OXNAD1: variants seen among roughly 807,000 people sequenced by gnomAD.
OXNAD1 encodes the protein oxidoreductase NAD binding domain containing 1.
Under a neutral mutation model 32.9 loss-of-function variants are expected in OXNAD1, and 34 were observed. The ratio of observed to expected loss-of-function variants is 1.03; its 90% CI spans 0.79 to 1.38. The LOEUF (loss-of-function observed/expected upper bound fraction) is 1.38. Ranked by LOEUF, OXNAD1 falls within the 40% of genes most tolerant of loss-of-function variation. The pLI, the probability that OXNAD1 is intolerant of heterozygous loss-of-function variation, is 0.00. For synonymous variants in OXNAD1, 134 were observed against 135.2 expected (o/e 0.99, Z 0.06); for missense variants, 407 against 379.4 (o/e 1.07, Z -0.60).
downstream of OXNAD1, among the ~76,000 whole-genome samples, chr3:16,310,045 A>G (rs2067859415): frequency 6.6e-6 from 1 of 152,214 alleles, no homozygotes; most frequent in Admixed American, 6.5e-5. Context: ...GATACAGGGG[A>G]CTTTTGGACT....
chr3:16,331,895 G>A (rs779671957), intron 9 of OXNAD1, among the ~76,000 whole-genome samples: 10 of 152,206 alleles, frequency 6.6e-5, no homozygotes, highest in South Asian at 2.1e-4. Flanking sequence ...AGGTACAGAC[G>A]TCTGGGCTGA....
chr3:16,332,558 C>T (rs116277326), intron 9 of OXNAD1, among the ~76,000 whole-genome samples: 123 of 152,204 alleles, frequency 8.1e-4, no homozygotes, highest in African/African-American at 2.8e-3. Context: ...GATCTTACCA[C>T]GCCACGTTAG....
Position 16,317,300 on chromosome 3 carries a change from G to A in OXNAD1, c.*30+13708G>A. The A allele has an allele frequency of 3.9e-6, 6 of 1,525,520 alleles. No homozygotes were observed. Among genetic ancestry groups the A allele is most frequent in the South Asian group, 2.3e-5 (2 of 86,728 alleles). 94.5% of individuals were successfully genotyped at this position (1,525,520 alleles called of 1,614,324 possible). ...AACCCAGAGCTTCACCCAAAGCCTTGTTTGCATTCATACCCACACCATGTC... is the reference window on the plus strand; with the variant it reads ...AACCCAGAGCTTCACCCAAAGCCTTATTTGCATTCATACCCACACCATGTC... On this transcript the variant is annotated intron_variant, in intron 9 of 9. Coordinates refer to the OXNAD1 transcript ENST00000435829. The surrounding 1 kb of genome is among the most constrained non-coding windows in gnomAD (Gnocchi z 4.3).
rs1422647674 is a variant in OXNAD1, at chr3:16,289,443, A to C, written c.290+2995A>C. 6.6e-6 allele frequency among the ~76,000 whole-genome samples: 1 copy of C among 152,190 alleles called. No individual in the cohort carries two copies. The highest frequency in any genetic ancestry group is 1.9e-4 in the East Asian group (1 of 5,194). On this transcript the variant is annotated intron_variant, in intron 5 of 8. Coordinates refer to ENST00000285083, the MANE Select transcript of OXNAD1 (RefSeq NM_138381.5). This position sits in a 1 kb window ranked among gnomAD's most constrained non-coding sequence, Gnocchi z 4.9. ...GGAATTCCTGGTCCTAGTGTGTCTG[A>C]CTTTCTACAAGATAACATAAGTTTA...
chr3:16,311,776 G>A (rs982894129), intron 9 of OXNAD1, among the ~76,000 whole-genome samples: 1 of 152,044 alleles, frequency 6.6e-6, no homozygotes, highest in African/African-American at 2.4e-5. Flanking sequence ...TCATTCAGCA[G>A]CCAGAAAGAC....
chr3:16,270,785 T>A, intron 2 of OXNAD1, 160 bp from the exon 3 acceptor site: 4 of 939,166 alleles, frequency 4.3e-6, no homozygotes, highest in Non-Finnish European at 6.2e-6. Flanking sequence ...GGCAGAAATT[T>A]TGTCAAGGTG....
At chr3:16,339,357 G>A (rs1451595092), downstream of OXNAD1, 1 of 152,180 alleles carries the variant, frequency 6.6e-6, no homozygotes, top group Non-Finnish European at 1.5e-5. Flanking sequence ...CATGCTCTTT[G>A]AGGACCCAGC....
At position 16,321,146 on chromosome 3, in the gene OXNAD1, G is replaced by T. The variant is rs1290001572; in HGVS notation, c.*31-15966G>T. Among the ~76,000 whole-genome samples, 1 of 152,100 alleles carries T rather than the reference G, an allele frequency of 6.6e-6. No homozygotes were observed. The highest frequency in any genetic ancestry group is 1.9e-4 in the East Asian group (1 of 5,194). ...TGCCATTCCTCTAGATAGGGTGGCG[G>T]TTGGCCAGGTGGGCGAGGTATGGGG... On this transcript the variant is annotated intron_variant, in intron 9 of 9. Transcript: ENST00000435829. This position sits in a 1 kb window ranked among gnomAD's most constrained non-coding sequence, Gnocchi z 4.8.
At chr3:16,311,995 T>C (rs1266950915) in intron 9 of OXNAD1, among the ~76,000 whole-genome samples, 1 of 152,194 alleles carries the variant, frequency 6.6e-6, no homozygotes, top group African/African-American at 2.4e-5. Context: ...GTCTCTCCCG[T>C]AGCCTGGCTT....
chr3:16,328,280 C>T (rs1056927252), intron 9 of OXNAD1, among the ~76,000 whole-genome samples: 1 of 152,240 alleles, frequency 6.6e-6, no homozygotes, highest in Non-Finnish European at 1.5e-5. Context: ...GTGCCAAGGT[C>T]TGTGGTCGGC....
At chr3:16,347,214 CCA>C (rs1346540402) in intron 9 of OXNAD1, among the ~76,000 whole-genome samples, 1 of 152,208 alleles carries the variant, frequency 6.6e-6, no homozygotes, top group Non-Finnish European at 1.5e-5. Flanking sequence ...ACGGTCTTCC[CCA>C]GACTTTTCAC....
intron 5 of OXNAD1, among the ~76,000 whole-genome samples, chr3:16,294,033 T>C (rs2066598555): frequency 6.6e-6 from 1 of 152,200 alleles, no homozygotes; most frequent in Non-Finnish European, 1.5e-5. Flanking sequence ...TACTGGTCTA[T>C]AGTTTTCTTT....
Position 16,303,448 on chromosome 3 carries a change from A to C in OXNAD1, c.825A>C (p.Ser275=), listed in dbSNP as rs1461378448. The C allele has an allele frequency of 3.1e-6, 5 of 1,613,916 alleles. No individual in the cohort carries two copies. Among genetic ancestry groups the C allele is most frequent in the Non-Finnish European group, 4.2e-6 (5 of 1,179,928 alleles). ...ITEKEIRDHI[S]KETLFYICGP... ...AGAAGGAGATAAGAGATCATATTTCAAAAGAGACTTTGTTCTATATTTGTG... is the reference window on the plus strand; with the variant it reads ...AGAAGGAGATAAGAGATCATATTTCCAAAGAGACTTTGTTCTATATTTGTG... The change falls in exon 9 of 9, where the codon TCA becomes TCC. Residue 275 remains serine (S), a synonymous_variant. Coordinates refer to ENST00000285083, the MANE Select transcript of OXNAD1 (RefSeq NM_138381.5). This position sits in a 1 kb window ranked among gnomAD's most constrained non-coding sequence, Gnocchi z 4.8.
Position 16,302,693 on chromosome 3 carries a change from G to A in OXNAD1, c.729G>A (p.Leu243=), listed in dbSNP as rs780751202. Residue 243 remains leucine (L), a synonymous_variant, in exon 8 of 9, where the codon TTG becomes TTA. Coordinates refer to ENST00000285083, the MANE Select transcript of OXNAD1 (RefSeq NM_138381.5). This position sits in a 1 kb window ranked among gnomAD's most constrained non-coding sequence, Gnocchi z 4.2. ...TTCCTGAGAAGATTGCATGCAGTTT[G>A]CATGTTACAAAACAGACTACACAAA... ...NEFPEKIACS[L]HVTKQTTQIN... 2.5e-6 allele frequency: 4 copies of A among 1,613,562 alleles called. No individual in the cohort carries two copies. In the South Asian group the frequency reaches 3.3e-5, roughly 13 times the overall value.
chr3:16,340,138 C>G (rs1028236406), downstream of OXNAD1, among the ~76,000 whole-genome samples: 1 of 152,228 alleles, frequency 6.6e-6, no homozygotes, highest in Non-Finnish European at 1.5e-5. Context: ...TTCCCTGTTT[C>G]TGTTCCATTG....
At chr3:16,281,807 G>A (rs956559604) in intron 4 of OXNAD1, among the ~76,000 whole-genome samples, 4 of 151,160 alleles carry the variant, frequency 2.6e-5, no homozygotes, top group African/African-American at 9.7e-5. Flanking sequence ...CAGTTAAGCT[G>A]TCAGAAATGA....
Position 16,265,950 on chromosome 3 carries a change from G to C in OXNAD1, c.-159+445G>C, listed in dbSNP as rs1651095701. 1 of 959,432 alleles carries C rather than the reference G, an allele frequency of 1.0e-6. No individual in the cohort carries two copies. The highest frequency in any genetic ancestry group is 1.2e-6 in the Non-Finnish European group (1 of 806,468). 59.4% of individuals were successfully genotyped at this position (959,432 alleles called of 1,614,324 possible). A position where few individuals can be genotyped will look rare whatever the true frequency, so the allele number is the denominator to read the frequency against. On this transcript the variant is annotated intron_variant, in intron 1 of 8. Coordinates refer to ENST00000285083, the MANE Select transcript of OXNAD1 (RefSeq NM_138381.5). The surrounding 1 kb of genome is among the most constrained non-coding windows in gnomAD (Gnocchi z 4.8). ...TATGTATGCCTTGAAGCGAAATGCA[G>C]ATAAAAGGCATTTTTGTCTTGAAAG...
At chr3:16,307,267 T>G (rs2067625378), downstream of OXNAD1, among the ~76,000 whole-genome samples, 1 of 152,246 alleles carries the variant, frequency 6.6e-6, no homozygotes, top group African/African-American at 2.4e-5. Context: ...GATGTTCAGC[T>G]TGTTTTAGGT....
rs2071585474 is a variant in OXNAD1 at position 16,345,382 on chromosome 3, C to T, written c.*31-3794C>T. The T allele has an allele frequency of 6.6e-6, 1 of 151,980 alleles. No homozygotes were observed. The highest frequency in any genetic ancestry group is 2.1e-4 in the South Asian group (1 of 4,826). 9.4% of individuals were successfully genotyped at this position (151,980 alleles called of 1,614,324 possible). The stretch of plus-strand genomic sequence containing the variant: ...CCTAAAGATATAGCCCCTGTTATCA[C>T]ATTGAGCCCTTAACTTGCCACAGGA... On this transcript the variant is annotated intron_variant, in intron 9 of 9. Transcript: ENST00000606098. This position sits in a 1 kb window ranked among gnomAD's most constrained non-coding sequence, Gnocchi z 5.2.
Sources: gnomAD v4.1 joint callset for allele counts (sites outside exome capture counted in the v4.1 genomes callset) on GRCh38, gnomAD v4.1.1 for gene constraint, Gnocchi (gnomAD v3.1) non-coding constraint, MANE v1.5 for transcripts, NCBI Gene and HGNC (gene_info 2026-07-23, HGNC 2026-07-21) for gene names.